RSF1: variants seen among roughly 807,000 people sequenced by gnomAD.
RSF1 encodes the protein HBV pX-associated protein 8.
A neutral mutation model predicts 145.2 loss-of-function variants in RSF1; 13 were observed. That is an observed-to-expected ratio of 0.09 (90% CI 0.06 to 0.14). The LOEUF (loss-of-function observed/expected upper bound fraction) is 0.14, where lower values mean the gene tolerates loss of function less well. Ranked by LOEUF, RSF1 falls within the 10% of genes least tolerant of loss-of-function variation. RSF1 has a pLI of 1.00. For synonymous variants in RSF1, 577 were observed against 592.6 expected (o/e 0.97, Z 0.38); for missense variants, 1,517 against 1,718.2 (o/e 0.88, Z 2.07).
intron 1 of RSF1, among the ~76,000 whole-genome samples, chr11:77,788,632 G>C (rs531120035): frequency 2.6e-5 from 4 of 152,028 alleles, no homozygotes; most frequent in African/African-American, 9.7e-5. Context: ...GTCGTGGCAT[G>C]CATCTAAAGC....
At chr11:77,741,821 T>C (rs1424668036) in intron 3 of RSF1, among the ~76,000 whole-genome samples, 1 of 152,210 alleles carries the variant, frequency 6.6e-6, no homozygotes, top group Non-Finnish European at 1.5e-5. Flanking sequence ...TGACTTTTTG[T>C]AGCTTGGGCC....
Position 77,807,788 on chromosome 11 carries a change from G to A in RSF1, c.187+12740C>T, listed in dbSNP as rs935297702. ...TGAGTATTTTTCAGAGGGATTCAAG[G>A]GCTTCTAATGCACAGCCCGTAGTTA... On this transcript the variant is annotated intron_variant, in intron 1 of 15. Coordinates refer to ENST00000308488, the MANE Select transcript of RSF1 (RefSeq NM_016578.4). Among the ~76,000 whole-genome samples, 5 of 152,098 alleles carry A rather than the reference G, an allele frequency of 3.3e-5. No homozygotes were observed. In the East Asian group the frequency reaches 7.7e-4, roughly 23 times the overall value.
At chr11:77,813,609 G>C in intron 1 of RSF1, 1 of 638,524 alleles carries the variant, frequency 1.6e-6, no homozygotes, top group Non-Finnish European at 2.9e-6. Context: ...GCTCGTTAGA[G>C]TGATTCAATT....
chr11:77,797,662 G>A (rs1431206167), intron 1 of RSF1, among the ~76,000 whole-genome samples: 2 of 152,064 alleles, frequency 1.3e-5, no homozygotes, highest in African/African-American at 2.4e-5. Context: ...ATTGACAAAC[G>A]GAATCTAATT....
chr11:77,715,147 G>A (rs1960777117), intron 5 of RSF1, among the ~76,000 whole-genome samples: 1 of 151,854 alleles, frequency 6.6e-6, no homozygotes, highest in African/African-American at 2.4e-5. Flanking sequence ...TTAAATTATT[G>A]GGAATGATAG....
rs569854008 is a variant in RSF1 at position 77,692,733 on chromosome 11, A to G, written c.2820+774T>C. Among the ~76,000 whole-genome samples, 5 of 149,646 alleles carry G rather than the reference A, an allele frequency of 3.3e-5. No individual in the cohort carries two copies. The East Asian group carries it at 7.9e-4, about 24-fold the overall frequency. On this transcript the variant is annotated intron_variant, in intron 8 of 15. Coordinates refer to ENST00000308488, the MANE Select transcript of RSF1 (RefSeq NM_016578.4). ...TTGCTCTGTTGCCAGGCTGGAGTAC[A>G]ATGGCGTGATCTTGGCTCACTGCAA... is the stretch of plus-strand genomic sequence containing the variant.
chr11:77,691,283 C>T (rs756947605), intron 8 of RSF1, 45 bp from the exon 9 acceptor site: 17 of 1,557,248 alleles, frequency 1.1e-5, no homozygotes, highest in South Asian at 4.4e-5. Context: ...CAACTTTTAG[C>T]AATCATTTAT....
chr11:77,723,330 A>T (rs1960980876), intron 5 of RSF1, among the ~76,000 whole-genome samples: 1 of 152,132 alleles, frequency 6.6e-6, no homozygotes, highest in Admixed American at 6.6e-5. Context: ...GCCTGATGGC[A>T]CATGCCTGTA....
the RSF1 span, among the ~76,000 whole-genome samples, chr11:77,831,015 C>T: frequency 1.4e-5 from 2 of 139,342 alleles, no homozygotes; most frequent in South Asian, 4.6e-4. Flanking sequence ...AAAAAATAGC[C>T]AGACATGGTG....
intron 4 of RSF1, among the ~76,000 whole-genome samples, chr11:77,732,987 G>T (rs573933418): frequency 1.3e-5 from 2 of 152,234 alleles, no homozygotes; most frequent in South Asian, 4.1e-4. Flanking sequence ...TTATTGCTTA[G>T]TAATAATTCA....
chr11:77,749,071 A>C (rs992219041), intron 2 of RSF1, among the ~76,000 whole-genome samples: 2 of 152,222 alleles, frequency 1.3e-5, no homozygotes, highest in Non-Finnish European at 2.9e-5. Flanking sequence ...CACATATTGC[A>C]TGATTCCATG....
chr11:77,796,682 GAA>G (rs1445864639), intron 1 of RSF1, among the ~76,000 whole-genome samples: 1 of 152,072 alleles, frequency 6.6e-6, no homozygotes, highest in Non-Finnish European at 1.5e-5. Flanking sequence ...CAGAAAGAAA[GAA>G]AGGGTATTCA....
intron 11 of RSF1, among the ~76,000 whole-genome samples, 192 bp from the exon 12 acceptor site, chr11:77,678,345 T>C (rs1959768685): frequency 6.6e-6 from 1 of 151,994 alleles, no homozygotes; most frequent in Admixed American, 6.6e-5. Context: ...GCCTCCCGAG[T>C]AGCTGGGACT....
At chr11:77,816,426 AT>A (rs996933324) in intron 1 of RSF1, among the ~76,000 whole-genome samples, 3 of 152,322 alleles carry the variant, frequency 2.0e-5, no homozygotes, top group Non-Finnish European at 4.4e-5. Context: ...TTAAAAAGGC[AT>A]TTTTTTAACT....
intron 1 of RSF1, among the ~76,000 whole-genome samples, chr11:77,792,313 T>A (rs961210709): frequency 6.6e-6 from 1 of 152,214 alleles, no homozygotes; most frequent in East Asian, 1.9e-4. Flanking sequence ...GAATTCAAGA[T>A]GAGATTTGGG....
chr11:77,685,389 G>T (rs1046128411), intron 9 of RSF1, among the ~76,000 whole-genome samples: 1 of 152,098 alleles, frequency 6.6e-6, no homozygotes, highest in African/African-American at 2.4e-5. Flanking sequence ...TCTACTTCCC[G>T]GGTTCAAGTG....
In RSF1 at chr11:77,692,233, A is replaced by ATTTTTTTTTTTTTTTTTTTTTTT. The variant is rs71046904; in HGVS notation, c.2821-1018_2821-996dup. 8.1e-5 allele frequency among the ~76,000 whole-genome samples: 4 copies of ATTTTTTTTTTTTTTTTTTTTTTT among 49,476 alleles called. 1 individual carries two copies. The highest frequency in any genetic ancestry group is 1.3e-4 in the Non-Finnish European group (4 of 30,692). The allele number at this position is 49,476 out of a possible 152,430, so 32.5% of individuals were successfully genotyped here. ...AAAAAATAATTATTACTACTTTTAA[A>ATTTTTTTTTTTTTTTTTTTTTTT]TTTTTTTTTTTTTTTTTTTTTTTTT... On this transcript the variant is annotated intron_variant, in intron 8 of 15. Transcript: ENST00000308488.
chr11:77,742,662 G>A (rs1053298787), intron 3 of RSF1, among the ~76,000 whole-genome samples: 1 of 152,186 alleles, frequency 6.6e-6, no homozygotes, highest in Non-Finnish European at 1.5e-5. Context: ...TAACAAGCAT[G>A]AAGTGATACT....
chr11:77,777,490 G>C (rs773171046), intron 1 of RSF1, among the ~76,000 whole-genome samples: 17 of 152,158 alleles, frequency 1.1e-4, no homozygotes, highest in Non-Finnish European at 1.9e-4. Flanking sequence ...CTACTTGGGA[G>C]GCTGAGGAAG....
Sources: allele counts gnomAD v4.1 joint callset (sites outside exome capture counted in the v4.1 genomes callset), GRCh38; gene constraint gnomAD v4.1.1; transcripts MANE v1.5; gene names NCBI Gene and HGNC (gene_info 2026-07-23, HGNC 2026-07-21).